Variants in CD109 observed in about 807,000 individuals in gnomAD.
The protein encoded by CD109 is CD109 antigen.
Under a neutral mutation model 165.8 loss-of-function variants are expected in CD109, and 149 were observed. The ratio of observed to expected loss-of-function variants is 0.90; its 90% CI spans 0.79 to 1.03. The LOEUF (loss-of-function observed/expected upper bound fraction) is 1.03. Among genes scored for constraint, CD109 ranks in the 50% least tolerant of loss-of-function variants. The pLI is 0.00. For missense variants in CD109, 1,712 were observed against 1,677.8 expected, an observed-to-expected ratio of 1.02 and a Z score of -0.36; for synonymous variants, 585 against 592.1, an observed-to-expected ratio of 0.99 and a Z score of 0.18.
intron 15 of CD109, among the ~76,000 whole-genome samples, chr6:73,779,598 T>C (rs1774397263): frequency 6.6e-6 from 1 of 152,158 alleles, no homozygotes; most frequent in African/African-American, 2.4e-5. Flanking sequence ...TGTGTATATA[T>C]ACCACATTTT....
intron 20 of CD109, among the ~76,000 whole-genome samples, chr6:73,786,248 C>T (rs562741475): frequency 2.5e-4 from 38 of 152,288 alleles, no homozygotes; most frequent in African/African-American, 7.9e-4. Flanking sequence ...GAATTAGGTT[C>T]ACTGTTTGTG....
chr6:73,817,320 T>G (rs41307147), intron 30 of CD109, among the ~76,000 whole-genome samples: 5,126 of 151,892 alleles, frequency 0.034, 130 homozygotes, highest in Non-Finnish European at 0.05. Flanking sequence ...ATATTGACTG[T>G]TTTTTTCTCA....
At chr6:73,738,462 A>T (rs1157960758) in intron 5 of CD109, among the ~76,000 whole-genome samples, 1 of 152,228 alleles carries the variant, frequency 6.6e-6, no homozygotes, top group African/African-American at 2.4e-5. Flanking sequence ...TTTTAGCTGG[A>T]TAACAGGCGC....
chr6:73,827,172 C>T lies in CD109; in HGVS notation c.*3539C>T, dbSNP rs1290633365. On this transcript the variant is annotated 3_prime_UTR_variant, in exon 33 of 33. Transcript: ENST00000287097. ...TCTTTCTAAAAATATGTTGTAAATT[C>T]TCCCTTGGCAAGATTTCTCCCTATG... 6.6e-6 allele frequency: 1 copy of T among 152,100 alleles called. No homozygotes were observed. The highest frequency in any genetic ancestry group is 1.9e-4 in the East Asian group (1 of 5,194). The allele number at this position is 152,100 out of a possible 1,614,324, so 9.4% of individuals were successfully genotyped here.
intron 10 of CD109, among the ~76,000 whole-genome samples, chr6:73,763,925 A>G (rs966231410): frequency 2.0e-5 from 3 of 152,216 alleles, no homozygotes; most frequent in Non-Finnish European, 2.9e-5. Context: ...TTTACAAGCA[A>G]TTTAAGTTAG....
intron 15 of CD109, among the ~76,000 whole-genome samples, chr6:73,779,393 C>T (rs6453699): frequency 0.39 from 59,015 of 151,538 alleles, 11,797 homozygotes; most frequent in African/African-American, 0.48. Flanking sequence ...GGACTACAGG[C>T]GCCCACCACT....
At position 73,766,833 on chromosome 6, in the gene CD109, A is replaced by G. The variant is rs752790412; in HGVS notation, c.1407A>G (p.Gln469=). The change falls in exon 12 of 33, where the codon CAA becomes CAG. Residue 469 remains glutamine, a synonymous_variant. Transcript: ENST00000287097. ...AGTCTCCTAGTAAGACATACATCCA[A>G]CTAAAAACAAGAGATGAAAATATAA... is the stretch of plus-strand genomic sequence containing the variant. ...LFKSPSKTYI[Q]LKTRDENIKV... is the part of the protein sequence containing the mutation. 1.2e-6 allele frequency: 2 copies of G among 1,612,824 alleles called. No homozygotes were observed. Among genetic ancestry groups the G allele is most frequent in the Admixed American group, 1.7e-5 (1 of 60,010 alleles).
chr6:73,762,614 A>C lies in CD109; in HGVS notation c.856-127A>C, dbSNP rs908751041. ...AGCTTTCCAGCATTGAACAAATGAGAATTTATGCAATTATAGCGATTAAAA... is the reference window on the plus strand; with the variant it reads ...AGCTTTCCAGCATTGAACAAATGAGCATTTATGCAATTATAGCGATTAAAA... On this transcript the variant is annotated intron_variant, in intron 8 of 32. Transcript: ENST00000287097. 19 of 967,900 alleles carry C rather than the reference A, an allele frequency of 2.0e-5. No individual in the cohort carries two copies. In the African/African-American group the frequency reaches 2.7e-4, roughly 14 times the overall value. The allele number at this position is 967,900 out of a possible 1,614,324, so 60.0% of individuals were successfully genotyped here. A position where few individuals can be genotyped will look rare whatever the true frequency, so the allele number is the denominator to read the frequency against.
At chr6:73,762,978 G>T in intron 9 of CD109, 96 bp downstream of exon 9, 1 of 1,097,386 alleles carries the variant, frequency 9.1e-7, no homozygotes, top group Non-Finnish European at 1.3e-6. Flanking sequence ...GAGCATCATT[G>T]ACTTTCTAAA....
Position 73,823,736 on chromosome 6 carries a change from T to C in CD109, c.*103T>C, listed in dbSNP as rs965984603. 5.2e-6 allele frequency: 6 copies of C among 1,164,786 alleles called. No individual in the cohort carries two copies. In the East Asian group the frequency reaches 7.1e-5, roughly 14 times the overall value. The allele number at this position is 1,164,786 out of a possible 1,614,324, so 72.2% of individuals were successfully genotyped here. On this transcript the variant is annotated 3_prime_UTR_variant, in exon 33 of 33. Transcript: ENST00000287097. ...CTGCTTCTATTTTGAAAAAAGAGTT[T>C]TTTTTCTTTCTATGGGGTTGCAGGG... is the stretch of plus-strand genomic sequence containing the variant.
At chr6:73,681,601 C>T in the CD109 span, among the ~76,000 whole-genome samples, 1 of 151,254 alleles carries the variant, frequency 6.6e-6, no homozygotes, top group Admixed American at 6.6e-5. Flanking sequence ...AGGGAAACTT[C>T]CCCCACTTTT....
At chr6:73,699,685 G>A (rs573393783) in intron 2 of CD109, among the ~76,000 whole-genome samples, 25 of 152,242 alleles carry the variant, frequency 1.6e-4, no homozygotes, top group African/African-American at 5.3e-4. Context: ...AGACTGGGGC[G>A]GGCAAAGCTG....
At chr6:73,706,971 A>G (rs1043811003) in intron 2 of CD109, among the ~76,000 whole-genome samples, 1 of 152,242 alleles carries the variant, frequency 6.6e-6, no homozygotes, top group African/African-American at 2.4e-5. Flanking sequence ...GAGCAATTCA[A>G]ATTTATTCAG....
Position 73,797,844 on chromosome 6 carries a change from C to G in CD109, c.2878+5042C>G, listed in dbSNP as rs1307332633. Among the ~76,000 whole-genome samples, 4 of 152,118 alleles carry G rather than the reference C, an allele frequency of 2.6e-5. No homozygotes were observed. In the East Asian group the frequency reaches 7.7e-4, roughly 29 times the overall value. On this transcript the variant is annotated intron_variant, in intron 23 of 32. Coordinates refer to ENST00000287097, the MANE Select transcript of CD109 (RefSeq NM_133493.5). Reference sequence around the variant, plus strand: ...TTATGAAGGGCTCATGGGTTTTTATCTTAAGAGCCTCTGGACTTCTTCTGC... The same window carrying G: ...TTATGAAGGGCTCATGGGTTTTTATGTTAAGAGCCTCTGGACTTCTTCTGC...
At chr6:73,820,715 C>T in intron 32 of CD109, 152 bp downstream of exon 32, 1 of 475,542 alleles carries the variant, frequency 2.1e-6, no homozygotes, top group Middle Eastern at 2.8e-4. Flanking sequence ...AGTGAGCATT[C>T]CATTTCAGTG....
At chr6:73,747,345 A>G (rs1206678785) in intron 5 of CD109, among the ~76,000 whole-genome samples, 1 of 152,236 alleles carries the variant, frequency 6.6e-6, no homozygotes, top group Non-Finnish European at 1.5e-5. Flanking sequence ...CTTCTAAAAA[A>G]AAATGTCTGA....
intron 15 of CD109, among the ~76,000 whole-genome samples, chr6:73,777,279 A>AT (rs111344958): frequency 6.6e-6 from 1 of 150,438 alleles, no homozygotes; most frequent in South Asian, 2.1e-4. Flanking sequence ...GCTTAAAAAA[A>AT]TTTTTTTTTT....
chr6:73,763,724 T>C, intron 10 of CD109, 39 bp downstream of exon 10: 1 of 1,016,154 alleles, frequency 9.8e-7, no homozygotes, highest in South Asian at 1.7e-5. Flanking sequence ...TAGCAGTAAG[T>C]TCAGCTTAAT....
chr6:73,696,385 CA>C (rs1010550386), intron 1 of CD109, 96 bp downstream of exon 1: 71 of 1,071,378 alleles, frequency 6.6e-5, no homozygotes, highest in Middle Eastern at 3.2e-4. Flanking sequence ...GGCTGCTGTG[CA>C]GCAGCGGGTG....
Sources: allele counts gnomAD v4.1 joint callset (sites outside exome capture counted in the v4.1 genomes callset), GRCh38; gene constraint gnomAD v4.1.1; transcripts MANE v1.5; gene names NCBI Gene and HGNC (gene_info 2026-07-23, HGNC 2026-07-21).